The following P2RY12 variants were observed in gnomAD, a reference collection of about 807,000 sequenced individuals.
P2RY12 encodes P2Y purinoceptor 12.
Under a neutral mutation model 4.5 loss-of-function variants are expected in P2RY12, and 3 were observed. The observed-to-expected ratio is 0.67, with a 90% CI of 0.31 to 1.74. The LOEUF (loss-of-function observed/expected upper bound fraction) is 1.74. Among genes scored for constraint, P2RY12 ranks in the 40% most tolerant of loss-of-function variants. The pLI, the probability that P2RY12 is intolerant of heterozygous loss-of-function variation, is 0.09. For synonymous variants in P2RY12, 148 were observed against 154.1 expected (o/e 0.96, Z 0.29); for missense variants, 356 against 407.8 (o/e 0.87, Z 1.09).
intron 1 of P2RY12, among the ~76,000 whole-genome samples, chr3:151,371,927 C>G (rs1756236026): frequency 1.3e-5 from 2 of 152,164 alleles, no homozygotes; most frequent in South Asian, 4.1e-4. Context: ...CTTCATTTCA[C>G]TAAGTATACT....
chr3:151,367,813 G>C (rs375820570), intron 1 of P2RY12: 8 of 1,568,778 alleles, frequency 5.1e-6, no homozygotes, highest in Non-Finnish European at 6.9e-6. Flanking sequence ...TTGTTGTCTT[G>C]ATGGAGTGGT....
chr3:151,352,726 T>A (rs1357477093), intron 1 of P2RY12, among the ~76,000 whole-genome samples: 4 of 152,234 alleles, frequency 2.6e-5, no homozygotes, highest in Non-Finnish European at 5.9e-5. Context: ...TCCAGTTGAA[T>A]GATCAAAGTT....
At chr3:151,381,850 G>GC (rs1560105407) in intron 1 of P2RY12, among the ~76,000 whole-genome samples, 1 of 152,164 alleles carries the variant, frequency 6.6e-6, no homozygotes, top group African/African-American at 2.4e-5. Flanking sequence ...CTCTCACCTT[G>GC]CAGGGTACTT....
At chr3:151,375,815 T>C (rs1007175377) in intron 1 of P2RY12, among the ~76,000 whole-genome samples, 10 of 152,272 alleles carry the variant, frequency 6.6e-5, no homozygotes, top group Admixed American at 4.6e-4. Context: ...AAAAAATGTT[T>C]TTAAGCAAGT....
At chr3:151,348,402 C>T (rs889435877) in intron 1 of P2RY12, among the ~76,000 whole-genome samples, 3 of 140,074 alleles carry the variant, frequency 2.1e-5, no homozygotes, top group African/African-American at 5.4e-5. Context: ...GTAGCAACAA[C>T]GAAAATGGGA....
At position 151,365,744 on chromosome 3, in the gene P2RY12, A is replaced by G. The variant is rs1755196010; in HGVS notation, c.-180+18948T>C. ...AGTATTTTATCTGTGAATCTAAGAAAATGACTTGTTTGATGTTAGTGAAAT... is the reference window on the plus strand; with the variant it reads ...AGTATTTTATCTGTGAATCTAAGAAGATGACTTGTTTGATGTTAGTGAAAT... On this transcript the variant is annotated intron_variant, in intron 1 of 2. Coordinates refer to ENST00000302632, the MANE Select transcript of P2RY12 (RefSeq NM_022788.5). 3 of 1,039,656 alleles carry G rather than the reference A, an allele frequency of 2.9e-6. No individual in the cohort carries two copies. The African/African-American group carries it at 4.8e-5, about 17-fold the overall frequency. 64.4% of individuals were successfully genotyped at this position (1,039,656 alleles called of 1,614,324 possible). A position where few individuals can be genotyped will look rare whatever the true frequency, so the allele number is the denominator to read the frequency against.
chr3:151,346,460 T>G (rs1418825096), intron 1 of P2RY12, among the ~76,000 whole-genome samples: 3 of 152,274 alleles, frequency 2.0e-5, no homozygotes, highest in East Asian at 1.9e-4. Context: ...ACCTCTTACT[T>G]TAACCGCTTG....
intron 1 of P2RY12, among the ~76,000 whole-genome samples, chr3:151,371,899 A>G (rs1164995074): frequency 6.6e-6 from 1 of 152,220 alleles, no homozygotes; most frequent in East Asian, 1.9e-4. Context: ...TTTGTTATGA[A>G]GAAAACACTT....
chr3:151,376,965 G>A, intron 1 of P2RY12: 4 of 1,611,140 alleles, frequency 2.5e-6, no homozygotes, highest in South Asian at 1.1e-5. Context: ...ACACATATGT[G>A]CCAGTATTCT....
intron 1 of P2RY12, chr3:151,376,873 C>T (rs1260183215): frequency 1.2e-6 from 2 of 1,613,908 alleles, no homozygotes; most frequent in Non-Finnish European, 8.5e-7. Flanking sequence ...TTGAAGGACC[C>T]TGTGAGTTTA....
intron 1 of P2RY12, chr3:151,376,358 A>G (rs1433845636): frequency 3.0e-6 from 2 of 664,932 alleles, no homozygotes; most frequent in Non-Finnish European, 4.6e-6. Flanking sequence ...TGGAATTGAC[A>G]TACTTTATTT....
chr3:151,380,174 G>C (rs1711998853), intron 1 of P2RY12: 2 of 1,610,776 alleles, frequency 1.2e-6, no homozygotes, highest in Middle Eastern at 3.3e-4. Flanking sequence ...TAAGGGACAA[G>C]ATGAACAAAG....
At chr3:151,351,434 C>T (rs1472220982) in intron 1 of P2RY12, among the ~76,000 whole-genome samples, 1 of 152,166 alleles carries the variant, frequency 6.6e-6, no homozygotes, top group African/African-American at 2.4e-5. Flanking sequence ...CTTTGAAATA[C>T]CTCAGCTCTC....
rs141007506 is a variant in P2RY12, at chr3:151,378,677, G to A, written c.-180+6015C>T. ...TTAATTTATTTTATGCCCAAGAAAA[G>A]GTTTCAAGTAATTATATTTGAAAAC... On this transcript the variant is annotated intron_variant, in intron 1 of 2. Coordinates refer to ENST00000302632, the MANE Select transcript of P2RY12 (RefSeq NM_022788.5). Among the ~76,000 whole-genome samples the A allele has an allele frequency of 3.0e-3, 456 of 151,836 alleles. 3 individuals carry two copies. The highest frequency in any genetic ancestry group is 0.011 in the African/African-American group (444 of 41,416).
chr3:151,379,361 AT>A (rs1711818796), intron 1 of P2RY12, among the ~76,000 whole-genome samples: 3 of 152,348 alleles, frequency 2.0e-5, no homozygotes, highest in South Asian at 4.1e-4. Flanking sequence ...CCTAGGTCTC[AT>A]TTTAAGAAAT....
At chr3:151,345,517 C>CTTTTTTTTTTTTTTTTTT (rs201731496) in intron 1 of P2RY12, among the ~76,000 whole-genome samples, 2 of 131,644 alleles carry the variant, frequency 1.5e-5, no homozygotes, top group Non-Finnish European at 3.3e-5. Flanking sequence ...TTTTCTTTTT[C>CTTTTTTTTTTTTTTTTTT]TTTTTTTTTT....
chr3:151,383,863 G>C, intron 1 of P2RY12: 1 of 1,613,802 alleles, frequency 6.2e-7, no homozygotes, highest in Non-Finnish European at 8.5e-7. Context: ...CATTACTTCA[G>C]GAACTGTTGA....
At chr3:151,345,034 T>C (rs1006838969) in intron 1 of P2RY12, among the ~76,000 whole-genome samples, 3 of 152,252 alleles carry the variant, frequency 2.0e-5, no homozygotes, top group Non-Finnish European at 4.4e-5. Flanking sequence ...GAGACATATT[T>C]TAATTCGTGT....
chr3:151,384,349 T>A, intron 1 of P2RY12: 1 of 950,232 alleles, frequency 1.1e-6, no homozygotes. Flanking sequence ...ATTTGCTATT[T>A]GTTTCACCTA....
Sources: gnomAD v4.1 joint callset for allele counts (sites outside exome capture counted in the v4.1 genomes callset) on GRCh38, gnomAD v4.1.1 for gene constraint, MANE v1.5 for transcripts, NCBI Gene and HGNC (gene_info 2026-07-23, HGNC 2026-07-21) for gene names.